Variants in DPH2 observed in about 807,000 individuals in gnomAD.
DPH2 encodes diphthamide biosynthesis 2, also known as 2-(3-amino-3-carboxypropyl)histidine synthase subunit 2.
A neutral mutation model predicts 42.5 loss-of-function variants in DPH2; 28 were observed. That is an observed-to-expected ratio of 0.66 (90% CI 0.49 to 0.90). DPH2 has a LOEUF of 0.90. Ranked by LOEUF, DPH2 falls within the 40% of genes least tolerant of loss-of-function variation. The pLI, the probability that DPH2 is intolerant of heterozygous loss-of-function variation, is 0.00. For missense variants in DPH2, 576 were observed against 636.0 expected (o/e 0.91, Z 1.01); for synonymous variants, 279 against 264.4 (o/e 1.06, Z -0.53).
At position 43,972,396 on chromosome 1, in the gene DPH2, G is replaced by A. The variant is rs755795415; in HGVS notation, c.1346-19G>A. 10 of 1,614,072 alleles carry A rather than the reference G, an allele frequency of 6.2e-6. No homozygotes were observed. In the South Asian group the frequency reaches 1.1e-4, roughly 18 times the overall value. The stretch of plus-strand genomic sequence containing the variant: ...TCTCCAGATGCAGCGCACTCAGACT[G>A]AGCCCCCTCCCTCTACAGCCTCATT... On this transcript the variant is annotated intron_variant, in intron 5 of 5. Transcript: ENST00000255108.
Position 43,972,069 on chromosome 1 carries a change from T to C in DPH2, c.1167T>C (p.Pro389=), listed in dbSNP as rs767783616. 2.0e-5 allele frequency: 33 copies of C among 1,612,278 alleles called. No homozygotes were observed. The highest frequency in any genetic ancestry group is 3.3e-5 in the Admixed American group (2 of 59,924). ...PHLTHYADLL[P]GSPFHVALPP... ...TCACACATTATGCGGACTTATTGCC[T>C]GGTGAGTAGTGGGGGCATTGCCTAA... The change falls in exon 4 of 6, where the codon CCT becomes CCC. Residue 389 remains proline (P), a splice_region_variant and synonymous_variant. Coordinates refer to ENST00000255108, the MANE Select transcript of DPH2 (RefSeq NM_001384.5).
In DPH2 at chr1:43,971,388, G is replaced by C. The variant is rs770165069; in HGVS notation, c.486G>C (p.Glu162Asp). 5 of 1,575,804 alleles carry C rather than the reference G, an allele frequency of 3.2e-6. No individual in the cohort carries two copies. Among genetic ancestry groups the C allele is most frequent in the Non-Finnish European group, 3.5e-6 (4 of 1,159,070 alleles). ...CAACACTACCTCCTTCTCTTCCAGA[G>C]GCTTTGGCTACTCTCCTGCGCCCAC... ...LSEPACAHAL[E>D]ALATLLRPRY... Residue 162 changes from glutamate to aspartate, a missense_variant and splice_region_variant, in exon 4 of 6, where the codon GAG (glutamate) becomes GAC (aspartate). Physicochemically the swap from Glu to Asp is conservative, Grantham distance 45 (BLOSUM62 2). Transcript: ENST00000255108.
In DPH2 at chr1:43,972,293, C is replaced by G; in HGVS notation, c.1304C>G (p.Thr435Ser). 6.2e-7 allele frequency: 1 copy of G among 1,614,190 alleles called. No individual in the cohort carries two copies. Among genetic ancestry groups the G allele is most frequent in the Non-Finnish European group, 8.5e-7 (1 of 1,180,038 alleles). ...AATGATCATGGAAGCTTGGCTCTGA[C>G]CCCACGGCCCCAGCTGGAGCTGGCT... ...SSNDHGSLALTPRPQLELAES... is the reference protein window; with the variant it reads ...SSNDHGSLALSPRPQLELAES... The change falls in exon 5 of 6, where the codon ACC (threonine) becomes AGC (serine). Residue 435 changes from threonine (T) to serine (S), a missense_variant. Around this residue, in one of 3 missense-constraint regions of DPH2, gnomAD observed 178 missense variants for 184.4 expected, o/e 0.97. Coordinates refer to ENST00000255108, the MANE Select transcript of DPH2 (RefSeq NM_001384.5).
At position 43,972,509 on chromosome 1, in the gene DPH2, C is replaced by T. The variant is rs1376167931; in HGVS notation, c.1440C>T (p.Ala480=). 2.5e-6 allele frequency: 4 copies of T among 1,614,258 alleles called. No homozygotes were observed. The highest frequency in any genetic ancestry group is 3.4e-6 in the Non-Finnish European group (4 of 1,180,052). ...CTGTGAGTGGAAGACGAGGGATTGC[C>T]ATCGCCTATGAGGATGAGGGAAGCG... ...TEAVSGRRGI[A]IAYEDEGSG is the part of the protein sequence containing the mutation. Residue 480 remains alanine (A), a synonymous_variant, in exon 6 of 6, where the codon GCC becomes GCT. Transcript: ENST00000255108.
chr1:43,970,982 C>A lies in DPH2; in HGVS notation c.277C>A (p.Leu93Met). 6.3e-7 allele frequency: 1 copy of A among 1,580,082 alleles called. No homozygotes were observed. The highest frequency in any genetic ancestry group is 1.3e-5 in the African/African-American group (1 of 74,596). Residue 93 changes from leucine (L) to methionine (M), a missense_variant, in exon 3 of 6, where the codon CTG (leucine) becomes ATG (methionine). By Grantham distance (15) the Leu-to-Met change is conservative. Coordinates refer to ENST00000255108, the MANE Select transcript of DPH2 (RefSeq NM_001384.5). ...TCCCTGCAGCTGCTGCGTGGATGTG[C>A]TGGGTGCTGAGCAAGCTGGAGCTCA... is the stretch of plus-strand genomic sequence containing the variant. ...TAYGSCCVDV[L>M]GAEQAGAQAL... is the part of the protein sequence containing the mutation.
rs749663452 is a variant in DPH2, at chr1:43,970,230, G to A, written c.55G>A (p.Val19Met). ...GGCGGCGCTGCAGCGAGAGACCGGG[G>A]TGCCAGGACTGCTTACTCCTCTTCC... ...AEAALQRETG[V>M]PGLLTPLPDL... The change falls in exon 1 of 6, where the codon GTG becomes ATG. Residue 19 changes from valine to methionine, a missense_variant. Coordinates refer to ENST00000255108, the MANE Select transcript of DPH2 (RefSeq NM_001384.5). 2 of 1,614,132 alleles carry A rather than the reference G, an allele frequency of 1.2e-6. No homozygotes were observed. Among genetic ancestry groups the A allele is most frequent in the East Asian group, 2.2e-5 (1 of 44,886 alleles).
rs1430527307 is a variant in DPH2 at position 43,971,924 on chromosome 1, G to A, written c.1022G>A (p.Cys341Tyr). The change falls in exon 4 of 6, where the codon TGT (cysteine) becomes TAT (tyrosine). Residue 341 changes from cysteine (C) to tyrosine (Y), a missense_variant. Cys to Tyr is a radical substitution (Grantham distance 194). Around this residue, in one of 3 missense-constraint regions of DPH2, gnomAD observed 3 missense variants for 16.5 expected, o/e 0.18. Transcript: ENST00000255108. ...PEVDVFVLLA[C>Y]PLGALAPQLS... ...GTGGATGTCTTTGTGCTATTAGCCT[G>A]TCCTCTGGGTGCTCTAGCCCCCCAG... 1.9e-6 allele frequency: 3 copies of A among 1,614,208 alleles called. No individual in the cohort carries two copies. The highest frequency in any genetic ancestry group is 1.7e-6 in the Non-Finnish European group (2 of 1,180,032).
Position 43,970,025 on chromosome 1 carries a change from T to C in DPH2, c.-151T>C, listed in dbSNP as rs1384398115. The C allele has an allele frequency of 1.2e-6, 1 of 867,564 alleles. No individual in the cohort carries two copies. Among genetic ancestry groups the C allele is most frequent in the South Asian group, 1.8e-5 (1 of 56,728 alleles). The allele number at this position is 867,564 out of a possible 1,614,324, so 53.7% of individuals were successfully genotyped here. A position where few individuals can be genotyped will look rare whatever the true frequency, so the allele number is the denominator to read the frequency against. On this transcript the variant is annotated 5_prime_UTR_variant, in exon 1 of 6. Transcript: ENST00000255108. ...GCGGAGAAACAGTAGTTAGGATGGC[T>C]GAAGGGGATACTCACCGGCTGAAGG...
At chr1:43,970,554 T>A (rs1244394469) in intron 1 of DPH2, 42 bp from the exon 2 acceptor site, 1 of 1,600,112 alleles carries the variant, frequency 6.2e-7, no homozygotes, top group Admixed American at 1.7e-5. Context: ...AAGCCCTCAG[T>A]GGGAGAGAGG....
Position 43,972,090 on chromosome 1 carries a change from C to T in DPH2, c.1168+20C>T, listed in dbSNP as rs753867578. On this transcript the variant is annotated intron_variant, in intron 4 of 5. Coordinates refer to ENST00000255108, the MANE Select transcript of DPH2 (RefSeq NM_001384.5). ...TGCCTGGTGAGTAGTGGGGGCATTG[C>T]CTAAGCTGGAAACCTGGGGCACGGA... The T allele has an allele frequency of 6.2e-6, 10 of 1,609,470 alleles. No individual in the cohort carries two copies. The highest frequency in any genetic ancestry group is 2.2e-5 in the South Asian group (2 of 90,860).
Position 43,971,824 on chromosome 1 carries a change from C to T in DPH2, c.922C>T (p.Gln308Ter), listed in dbSNP as rs755058688. The part of the protein sequence containing the change: ...EALAHLRNLT[Q>*]AAGKRSYVLA... ...ACTGGCCCACTTGCGGAACCTGACTCAGGCTGCTGGCAAGCGTAGCTATGT... is the reference window on the plus strand; with the variant it reads ...ACTGGCCCACTTGCGGAACCTGACTTAGGCTGCTGGCAAGCGTAGCTATGT... The change falls in exon 4 of 6, where the codon CAG becomes TAG. Residue 308 changes from glutamine (Q) to a stop codon, truncating the protein, a stop_gained. Coordinates refer to ENST00000255108, the MANE Select transcript of DPH2 (RefSeq NM_001384.5). LOFTEE classifies it high-confidence loss of function. 20 of 1,612,998 alleles carry T rather than the reference C, an allele frequency of 1.2e-5. No individual in the cohort carries two copies. Among genetic ancestry groups the T allele is most frequent in the Non-Finnish European group, 1.6e-5 (19 of 1,180,056 alleles).
In DPH2 at chr1:43,972,231, T is replaced by C. The variant is rs550869141; in HGVS notation, c.1242T>C (p.Thr414=). The C allele has an allele frequency of 7.1e-5, 115 of 1,614,214 alleles. No homozygotes were observed. In the Admixed American group the frequency reaches 9.8e-4, roughly 14 times the overall value. ...LWETPDVSLI[T]GDLRPPPAWK... ...AAACCCCAGACGTGTCACTCATTAC[T>C]GGAGATCTCCGACCCCCACCTGCCT... is the stretch of plus-strand genomic sequence containing the variant. Residue 414 remains threonine, a synonymous_variant, in exon 5 of 6, where the codon ACT becomes ACC. Transcript: ENST00000255108.
In DPH2 at chr1:43,971,603, TG is replaced by T. The variant is rs2085426396; in HGVS notation, c.702del (p.Ser235ValfsTer33). 1.9e-6 allele frequency: 3 copies of T among 1,613,852 alleles called. No individual in the cohort carries two copies. The South Asian group carries it at 3.3e-5, about 18-fold the overall frequency. On this transcript the variant is annotated frameshift_variant, in exon 4 of 6. Transcript: ENST00000255108. LOFTEE classifies it high-confidence loss of function. ...CCTGACCCAGACCTTGACCCAGACCTGAGTCGGCTGCTCTTGGGGTGGGCAC... is the reference window on the plus strand; with the variant it reads ...CCTGACCCAGACCTTGACCCAGACCTAGTCGGCTGCTCTTGGGGTGGGCAC... Reference protein sequence around the residue: ...ASPDPDLDPDLSRLLLGWAPG... With the variant: ...ASPDPDLDPDXSRLLLGWAPG...
Position 43,970,155 on chromosome 1 carries a change from C to T in DPH2, c.-21C>T. The T allele has an allele frequency of 6.2e-7, 1 of 1,611,010 alleles. No homozygotes were observed. Among genetic ancestry groups the T allele is most frequent in the Non-Finnish European group, 8.5e-7 (1 of 1,178,462 alleles). ...GTCCCAGGGAGGTCCCCGCTGCATC[C>T]CACCACCCAAGCTGTGCCTCATGGA... is the stretch of plus-strand genomic sequence containing the variant. On this transcript the variant is annotated 5_prime_UTR_variant, in exon 1 of 6. Transcript: ENST00000255108.
At position 43,973,073 on chromosome 1, in the gene DPH2, T is replaced by C. The variant is rs145002887; in HGVS notation, c.*534T>C. 2 of 154,424 alleles carry C rather than the reference T, an allele frequency of 1.3e-5. No individual in the cohort carries two copies. The highest frequency in any genetic ancestry group is 2.9e-5 in the Non-Finnish European group (2 of 69,626). 9.6% of individuals were successfully genotyped at this position (154,424 alleles called of 1,614,324 possible). A position where few individuals can be genotyped will look rare whatever the true frequency, so the allele number is the denominator to read the frequency against. On this transcript the variant is annotated 3_prime_UTR_variant, in exon 6 of 6. Coordinates refer to ENST00000255108, the MANE Select transcript of DPH2 (RefSeq NM_001384.5). ...TATCTCCAGACCTTGGCAAATGTTA[T>C]CTGTGGGGGAAAATTGCCCTCAATT...
chr1:43,972,597 G>T lies in DPH2; in HGVS notation c.*58G>T. 6.2e-7 allele frequency: 1 copy of T among 1,603,844 alleles called. No individual in the cohort carries two copies. The highest frequency in any genetic ancestry group is 8.5e-7 in the Non-Finnish European group (1 of 1,174,200). On this transcript the variant is annotated 3_prime_UTR_variant, in exon 6 of 6. Coordinates refer to ENST00000255108, the MANE Select transcript of DPH2 (RefSeq NM_001384.5). ...ATGAATGGCTGCTAGGACCTTTAGT[G>T]CTCCCTGCACCAACCTCCCATCCCC... is the stretch of plus-strand genomic sequence containing the variant.
At position 43,972,609 on chromosome 1, in the gene DPH2, A is replaced by G. The variant is rs1445816519; in HGVS notation, c.*70A>G. 3.2e-6 allele frequency: 5 copies of G among 1,585,542 alleles called. No homozygotes were observed. The East Asian group carries it at 1.1e-4, about 36-fold the overall frequency. ...TAGGACCTTTAGTGCTCCCTGCACCAACCTCCCATCCCCCTGCCAAGATCC... is the reference window on the plus strand; with the variant it reads ...TAGGACCTTTAGTGCTCCCTGCACCGACCTCCCATCCCCCTGCCAAGATCC... On this transcript the variant is annotated 3_prime_UTR_variant, in exon 6 of 6. Transcript: ENST00000255108.
At position 43,970,747 on chromosome 1, in the gene DPH2, C is replaced by T. The variant is rs142635132; in HGVS notation, c.260+39C>T. ...CTTAGGTGGGCCAGGCCTGGGGATC[C>T]GGGGCTCATGGGGTTTTACGTCTAT... On this transcript the variant is annotated intron_variant, in intron 2 of 5. Transcript: ENST00000255108. The T allele has an allele frequency of 1.8e-4, 284 of 1,579,582 alleles. No individual in the cohort carries two copies. In the African/African-American group the frequency reaches 3.0e-3, roughly 16 times the overall value.
In DPH2 at chr1:43,971,010, C is replaced by T. The variant is rs758238909; in HGVS notation, c.305C>T (p.Ala102Val). The change falls in exon 3 of 6, where the codon GCT (alanine) becomes GTT (valine). Residue 102 changes from alanine (A) to valine (V), a missense_variant. Ala to Val is a moderately conservative substitution (Grantham distance 64). This residue lies in a region of DPH2 where 395 missense variants were observed against 435.2 expected (regional missense o/e 0.91). Coordinates refer to ENST00000255108, the MANE Select transcript of DPH2 (RefSeq NM_001384.5). Reference protein sequence around the residue: ...VLGAEQAGAQALIHFGPACLS... With the variant: ...VLGAEQAGAQVLIHFGPACLS... ...GGTGCTGAGCAAGCTGGAGCTCAGGCTCTCATACATTTTGGCCCTGCCTGC... is the reference window on the plus strand; with the variant it reads ...GGTGCTGAGCAAGCTGGAGCTCAGGTTCTCATACATTTTGGCCCTGCCTGC... The T allele has an allele frequency of 3.8e-6, 6 of 1,586,008 alleles. No individual in the cohort carries two copies. In the African/African-American group the frequency reaches 6.7e-5, roughly 18 times the overall value.
Sources: allele counts gnomAD v4.1 joint callset, GRCh38; gene constraint gnomAD v4.1.1; regional missense constraint gnomAD v4.1.1; transcripts MANE v1.5; gene names NCBI Gene and HGNC (gene_info 2026-07-23, HGNC 2026-07-21).